RGPD2: variants seen among roughly 807,000 people sequenced by gnomAD.
RGPD2 encodes RANBP2-like and GRIP domain-containing protein 2.
In RGPD2, 2 loss-of-function variants were observed where a neutral mutation model predicts 36.0. The ratio of observed to expected loss-of-function variants is 0.06; its 90% CI spans 0.02 to 0.17. The LOEUF (loss-of-function observed/expected upper bound fraction) is 0.17. RGPD2 is among the 10% of genes least tolerant of loss of function. The probability of loss-of-function intolerance (pLI) is 1.00; values close to 1 mark genes in which losing one functional copy is unlikely to be tolerated. For synonymous variants in RGPD2, 19 were observed against 163.8 expected, an observed-to-expected ratio of 0.12 and a Z score of 6.75; for missense variants, 40 against 464.3, an observed-to-expected ratio of 0.09 and a Z score of 8.40.
chr2:87,927,469 A>G, the RGPD2 span, among the ~76,000 whole-genome samples: 2 of 147,930 alleles, frequency 1.4e-5, no homozygotes, highest in African/African-American at 5.0e-5. Context: ...CCATTTAAAT[A>G]AAGGTGAAAG....
the RGPD2 span, among the ~76,000 whole-genome samples, chr2:87,888,434 G>C: frequency 1.5e-5 from 2 of 132,612 alleles, no homozygotes; most frequent in African/African-American, 5.7e-5. Flanking sequence ...AGGTTTCTTT[G>C]TAGAAAAAAA....
the RGPD2 span, among the ~76,000 whole-genome samples, chr2:87,922,433 A>G: frequency 6.4e-3 from 959 of 149,700 alleles, 3 homozygotes; most frequent in African/African-American, 0.022. Flanking sequence ...ATATTAAGAT[A>G]CAGTATTAAT....
chr2:87,839,851 C>A, the RGPD2 span, among the ~76,000 whole-genome samples: 2 of 151,580 alleles, frequency 1.3e-5, no homozygotes, highest in Admixed American at 1.3e-4. Flanking sequence ...ATAAAATGAT[C>A]TATACACCAA....
At chr2:87,984,269 AC>A in the RGPD2 span, among the ~76,000 whole-genome samples, 1 of 152,130 alleles carries the variant, frequency 6.6e-6, no homozygotes, top group African/African-American at 2.4e-5. Context: ...GCACCGGCGA[AC>A]CCCTTTCCAA....
chr2:87,915,443 A>G, the RGPD2 span, among the ~76,000 whole-genome samples: 1 of 141,346 alleles, frequency 7.1e-6, no homozygotes, highest in Non-Finnish European at 1.5e-5. Flanking sequence ...GTATGTGTAT[A>G]TATATACACA....
Position 87,825,420 on chromosome 2 carries a change from G to A in RGPD2, c.72+238C>T, listed in dbSNP as rs1234187298. 5.9e-5 allele frequency among the ~76,000 whole-genome samples: 6 copies of A among 102,140 alleles called. No individual in the cohort carries two copies. In the East Asian group the frequency reaches 1.6e-3, roughly 28 times the overall value. The allele number at this position is 102,140 out of a possible 152,430, so 67.0% of individuals were successfully genotyped here. On this transcript the variant is annotated intron_variant, in intron 1 of 22. Coordinates refer to ENST00000398146, the MANE Select transcript of RGPD2 (RefSeq NM_001078170.3). ...GCCCGGCCAGGCCGAGGCCGAGGCCGCCGCCGCCGCCGCCGCCGCCGCCCG... is the reference window on the plus strand; with the variant it reads ...GCCCGGCCAGGCCGAGGCCGAGGCCACCGCCGCCGCCGCCGCCGCCGCCCG...
At position 87,756,324 on chromosome 2, in the gene RGPD2, C is replaced by CT; in HGVS notation, c.*1067dup. Reference sequence around the variant, plus strand: ...TCCTGTTTGGCACTTTTTCATATCACTGGGAGCCTGAAGAAATAGAAGTGG... The same window carrying CT: ...TCCTGTTTGGCACTTTTTCATATCACTTGGGAGCCTGAAGAAATAGAAGTGG... On this transcript the variant is annotated 3_prime_UTR_variant, in exon 23 of 23. Transcript: ENST00000398146. 1.0e-5 allele frequency: 1 copy of CT among 96,800 alleles called. No individual in the cohort carries two copies. Among genetic ancestry groups the CT allele is most frequent in the Admixed American group, 1.3e-4 (1 of 7,958 alleles). The allele number at this position is 96,800 out of a possible 1,614,324, so 6.0% of individuals were successfully genotyped here.
At chr2:87,927,362 A>G in the RGPD2 span, among the ~76,000 whole-genome samples, 1 of 125,434 alleles carries the variant, frequency 8.0e-6, no homozygotes, top group East Asian at 2.1e-4. Flanking sequence ...TCTTTGATTC[A>G]GTAATTTCAA....
At chr2:87,876,807 TAA>T in the RGPD2 span, among the ~76,000 whole-genome samples, 1 of 152,140 alleles carries the variant, frequency 6.6e-6, no homozygotes, top group African/African-American at 2.4e-5. Flanking sequence ...GGTGGGGTGT[TAA>T]AGTCTCTCAC....
the RGPD2 span, among the ~76,000 whole-genome samples, chr2:87,832,423 G>A: frequency 6.6e-6 from 1 of 151,990 alleles, no homozygotes; most frequent in African/African-American, 2.4e-5. Context: ...AACACAGAAA[G>A]TCTGGAAGAG....
At chr2:87,903,480 C>T in the RGPD2 span, among the ~76,000 whole-genome samples, 23 of 152,298 alleles carry the variant, frequency 1.5e-4, no homozygotes, top group East Asian at 1.9e-3. Flanking sequence ...TAGCAAATAC[C>T]GTTTATTTTT....
the RGPD2 span, among the ~76,000 whole-genome samples, chr2:87,961,085 G>C: frequency 6.6e-6 from 1 of 150,736 alleles, no homozygotes; most frequent in Middle Eastern, 3.2e-3. Context: ...TGGTATTCTA[G>C]GTTTATACTA....
At chr2:87,882,772 T>C in the RGPD2 span, among the ~76,000 whole-genome samples, 1 of 152,178 alleles carries the variant, frequency 6.6e-6, no homozygotes, top group Non-Finnish European at 1.5e-5. Context: ...ATTTCTTTCA[T>C]CAATGTTTTA....
chr2:87,980,208 G>A, the RGPD2 span, among the ~76,000 whole-genome samples: 719 of 125,894 alleles, frequency 5.7e-3, no homozygotes, highest in African/African-American at 0.017. Flanking sequence ...AAAATTAGCC[G>A]GGCATGGTGG....
chr2:87,857,953 G>T, the RGPD2 span, among the ~76,000 whole-genome samples: 1 of 152,106 alleles, frequency 6.6e-6, no homozygotes, highest in Admixed American at 6.5e-5. Context: ...TATTTCTAAG[G>T]GAAAAGAGTT....
the RGPD2 span, among the ~76,000 whole-genome samples, chr2:87,876,405 C>T: frequency 1.3e-5 from 2 of 152,220 alleles, no homozygotes; most frequent in Admixed American, 6.5e-5. Flanking sequence ...TTAGCTCCAT[C>T]CCAGAAATTC....
intron 4 of RGPD2, among the ~76,000 whole-genome samples, chr2:87,812,995 C>G (rs1489896355): frequency 6.7e-6 from 1 of 149,656 alleles, no homozygotes; most frequent in Non-Finnish European, 1.5e-5. Context: ...GTCATACCAC[C>G]GAAACGACCA....
chr2:87,881,473 A>T, the RGPD2 span, among the ~76,000 whole-genome samples: 4 of 151,562 alleles, frequency 2.6e-5, no homozygotes, highest in East Asian at 7.7e-4. Context: ...GTTGCTGCCA[A>T]GTTTTCTTTA....
At chr2:87,910,590 T>C in the RGPD2 span, among the ~76,000 whole-genome samples, 2 of 152,238 alleles carry the variant, frequency 1.3e-5, no homozygotes, top group South Asian at 4.1e-4. Flanking sequence ...ACAGCTGTCC[T>C]CTCATTCTCT....
Sources: gnomAD v4.1 joint callset for allele counts (sites outside exome capture counted in the v4.1 genomes callset) on GRCh38, gnomAD v4.1.1 for gene constraint, MANE v1.5 for transcripts, NCBI Gene and HGNC (gene_info 2026-07-23, HGNC 2026-07-21) for gene names.